The following PTK2B variants were observed in gnomAD, a reference collection of about 807,000 sequenced individuals.
PTK2B encodes the protein protein-tyrosine kinase 2-beta.
A neutral mutation model predicts 142.9 loss-of-function variants in PTK2B; 71 were observed. The ratio of observed to expected loss-of-function variants is 0.50; its 90% CI spans 0.41 to 0.61. The LOEUF (loss-of-function observed/expected upper bound fraction) is 0.61. PTK2B is among the 20% of genes least tolerant of loss of function. PTK2B has a pLI of 0.00. For missense variants in PTK2B, 1,105 were observed against 1,320.4 expected (o/e 0.84, Z 2.53); for synonymous variants, 519 against 503.4 (o/e 1.03, Z -0.42).
chr8:27,363,907 G>A lies in PTK2B; in HGVS notation c.-37-33641G>A, dbSNP rs368031093. On this transcript the variant is annotated intron_variant, in intron 1 of 30. Transcript: ENST00000346049. This position sits in a 1 kb window ranked among gnomAD's most constrained non-coding sequence, Gnocchi z 4.3. Reference sequence around the variant, plus strand: ...GAGGAAGTGAGGAAATACCCAGGGCGCTGCAGGGCTAAGATTAGACTAGGG... The same window carrying A: ...GAGGAAGTGAGGAAATACCCAGGGCACTGCAGGGCTAAGATTAGACTAGGG... 3.3e-5 allele frequency among the ~76,000 whole-genome samples: 5 copies of A among 152,270 alleles called. No individual in the cohort carries two copies. Among genetic ancestry groups the A allele is most frequent in the Middle Eastern group, 3.4e-3 (1 of 294 alleles).
Position 27,451,481 on chromosome 8 carries a change from C to T in PTK2B, c.2524-4C>T, listed in dbSNP as rs1285317494. ...GTTCCTGTTCTCTTTCCTCCTTCCT[C>T]CAGACGCCAGAGAAGGAGGTCGGCT... On this transcript the variant is annotated splice_region_variant and splice_polypyrimidine_tract_variant and intron_variant, in intron 26 of 30. Transcript: ENST00000346049. 1.9e-6 allele frequency: 3 copies of T among 1,613,998 alleles called. No individual in the cohort carries two copies. The highest frequency in any genetic ancestry group is 1.1e-5 in the South Asian group (1 of 91,062).
chr8:27,356,277 G>A (rs1361585417), intron 1 of PTK2B, among the ~76,000 whole-genome samples: 1 of 152,184 alleles, frequency 6.6e-6, no homozygotes, highest in Non-Finnish European at 1.5e-5. Flanking sequence ...TTCAACAAAT[G>A]CTTACTGACC....
At chr8:27,353,651 G>T (rs1805230697) in intron 1 of PTK2B, among the ~76,000 whole-genome samples, 1 of 152,146 alleles carries the variant, frequency 6.6e-6, no homozygotes, top group Non-Finnish European at 1.5e-5. Context: ...AACAGATGAG[G>T]CAACTAGGGT....
intron 1 of PTK2B, among the ~76,000 whole-genome samples, chr8:27,330,757 C>T (rs530881095): frequency 6.6e-6 from 1 of 152,316 alleles, no homozygotes. Flanking sequence ...ACTTTTCACC[C>T]AGATGCAGCG....
Position 27,458,508 on chromosome 8 carries a change from G to T in PTK2B, c.3029G>T (p.Ter1010LeuextTer72). Reference sequence around the variant, plus strand: ...AATCTGGCCCACCCACCTGCAGAGTGACGGAGGGTGGGGGCCACCTGCCTG... The same window carrying T: ...AATCTGGCCCACCCACCTGCAGAGTTACGGAGGGTGGGGGCCACCTGCCTG... ...LANLAHPPAE[*>L] Residue 1010 changes from the stop codon to leucine (L), a stop_lost, in exon 31 of 31, where the codon TGA (stop) becomes TTA (leucine). Coordinates refer to ENST00000346049, the MANE Select transcript of PTK2B (RefSeq NM_173176.3). 6.4e-7 allele frequency: 1 copy of T among 1,563,218 alleles called. No individual in the cohort carries two copies. The highest frequency in any genetic ancestry group is 1.2e-5 in the South Asian group (1 of 85,456).
At position 27,437,138 on chromosome 8, in the gene PTK2B, A is replaced by G. The variant is rs776875525; in HGVS notation, c.1358A>G (p.Asn453Ser). Residue 453 changes from asparagine (N) to serine (S), a missense_variant, in exon 16 of 31, where the codon AAT becomes AGT. Physicochemically the swap from Asn to Ser is conservative, Grantham distance 46. Transcript: ENST00000346049. ...VYTNHKGEKI[N>S]VAVKTCKKDC... Reference sequence around the variant, plus strand: ...TTGTTACAGAAAGGGGAGAAAATCAATGTAGCTGTCAAGACCTGCAAGAAA... The same window carrying G: ...TTGTTACAGAAAGGGGAGAAAATCAGTGTAGCTGTCAAGACCTGCAAGAAA... 1.2e-6 allele frequency: 2 copies of G among 1,613,862 alleles called. No individual in the cohort carries two copies. Among genetic ancestry groups the G allele is most frequent in the African/African-American group, 1.3e-5 (1 of 74,912 alleles).
chr8:27,394,302 A>G (rs933051461), intron 1 of PTK2B, among the ~76,000 whole-genome samples: 2 of 152,170 alleles, frequency 1.3e-5, no homozygotes, highest in African/African-American at 4.8e-5. Context: ...TACTTACACA[A>G]ACCTAGATGG....
chr8:27,331,699 C>T (rs907143532), intron 1 of PTK2B, among the ~76,000 whole-genome samples: 2 of 151,130 alleles, frequency 1.3e-5, no homozygotes, highest in Non-Finnish European at 3.0e-5. Context: ...ATTAGCCAGG[C>T]TGGTCTCGAA....
chr8:27,395,067 CT>C (rs539635183), intron 1 of PTK2B, among the ~76,000 whole-genome samples: 16 of 149,328 alleles, frequency 1.1e-4, no homozygotes, highest in East Asian at 2.0e-4. Flanking sequence ...TTACAGTTAA[CT>C]TTTTTTTTTA....
chr8:27,311,344 C>T (rs956092181), upstream of PTK2B: 2 of 1,332,996 alleles, frequency 1.5e-6, no homozygotes, highest in Non-Finnish European at 2.0e-6. Context: ...GTCCCTTCCC[C>T]TGGAACGCTG....
Position 27,416,760 on chromosome 8 carries a change from C to T in PTK2B, c.205-3135C>T, listed in dbSNP as rs545731834. ...ATGTATAAAAGCCTCCTACAACTCT[C>T]CTGCAAATGAAAACACAACAGAAAA... On this transcript the variant is annotated intron_variant, in intron 2 of 30. Transcript: ENST00000346049. 3.9e-5 allele frequency among the ~76,000 whole-genome samples: 6 copies of T among 152,242 alleles called. No homozygotes were observed. In the South Asian group the frequency reaches 1.2e-3, roughly 32 times the overall value.
chr8:27,442,119 A>C (rs1005835410), intron 21 of PTK2B, among the ~76,000 whole-genome samples: 1 of 152,334 alleles, frequency 6.6e-6, no homozygotes, highest in African/African-American at 2.4e-5. Context: ...TTCTAATGTC[A>C]AATTTTGAGT....
intron 1 of PTK2B, among the ~76,000 whole-genome samples, chr8:27,336,716 T>C (rs1224183446): frequency 6.6e-6 from 1 of 152,248 alleles, no homozygotes; most frequent in Non-Finnish European, 1.5e-5. Context: ...CTGACATCAG[T>C]GTCCTTCTTG....
Position 27,440,298 on chromosome 8 carries a change from G to A in PTK2B, c.1896G>A (p.Lys632=), listed in dbSNP as rs1307052332. 1 of 1,614,118 alleles carries A rather than the reference G, an allele frequency of 6.2e-7. No individual in the cohort carries two copies. The highest frequency in any genetic ancestry group is 1.3e-5 in the African/African-American group (1 of 74,944). The change falls in exon 21 of 31, where the codon AAG becomes AAA. Residue 632 remains lysine (K), a synonymous_variant. Transcript: ENST00000346049. Reference sequence around the variant, plus strand: ...AGCCCTTCTTCTGGCTGGAGAACAAGGATGTCATCGGGGTGCTGGAGAAAG... The same window carrying A: ...AGCCCTTCTTCTGGCTGGAGAACAAAGATGTCATCGGGGTGCTGGAGAAAG... ...GKQPFFWLEN[K]DVIGVLEKGD... is the part of the protein sequence containing the mutation.
At position 27,434,092 on chromosome 8, in the gene PTK2B, G is replaced by A. The variant is rs771186687; in HGVS notation, c.1106-1G>A. 2 of 1,614,088 alleles carry A rather than the reference G, an allele frequency of 1.2e-6. No individual in the cohort carries two copies. Among genetic ancestry groups the A allele is most frequent in the Non-Finnish European group, 1.7e-6 (2 of 1,179,982 alleles). ...CCTCCTCCTTCCTCCTCTCTTCCTA[G>A]ATGGTGAGAAGCGGAACAGCCTGCC... is the stretch of plus-strand genomic sequence containing the variant. On this transcript the variant is annotated splice_acceptor_variant, in intron 11 of 30. Transcript: ENST00000346049. LOFTEE classifies it high-confidence loss of function.
intron 1 of PTK2B, among the ~76,000 whole-genome samples, chr8:27,385,347 CT>C (rs1008617648): frequency 1.3e-5 from 2 of 152,126 alleles, no homozygotes; most frequent in African/African-American, 4.8e-5. Context: ...GGCAAAGGAC[CT>C]CAAGGCACTG....
intron 21 of PTK2B, among the ~76,000 whole-genome samples, chr8:27,442,493 G>A (rs1811212197): frequency 6.6e-6 from 1 of 152,196 alleles, no homozygotes; most frequent in South Asian, 2.1e-4. Context: ...TCTAGGCCAG[G>A]GCCATGAAGT....
chr8:27,442,417 C>T, intron 21 of PTK2B, among the ~76,000 whole-genome samples: 1 of 152,132 alleles, frequency 6.6e-6, no homozygotes, highest in Non-Finnish European at 1.5e-5. Context: ...AGTGAACCCA[C>T]ATGCCTCATT....
rs998535204 is a variant in PTK2B at position 27,415,938 on chromosome 8, G to A, written c.205-3957G>A. Among the ~76,000 whole-genome samples, 109 of 152,314 alleles carry A rather than the reference G, an allele frequency of 7.2e-4. 1 individual carries two copies. The highest frequency in any genetic ancestry group is 2.1e-4 in the South Asian group (1 of 4,830). On this transcript the variant is annotated intron_variant, in intron 2 of 30. Coordinates refer to ENST00000346049, the MANE Select transcript of PTK2B (RefSeq NM_173176.3). ...TTCATGTATTACAGGCATCAATGCT[G>A]TTAAGATGCCAATTCTGGCCAGGTG...
Sources: gnomAD v4.1 joint callset for allele counts (sites outside exome capture counted in the v4.1 genomes callset) on GRCh38, gnomAD v4.1.1 for gene constraint, Gnocchi (gnomAD v3.1) non-coding constraint, MANE v1.5 for transcripts, NCBI Gene and HGNC (gene_info 2026-07-23, HGNC 2026-07-21) for gene names.